The following ENOX2 variants were observed in gnomAD, a reference collection of about 807,000 sequenced individuals.
ENOX2 encodes the protein ecto-NOX disulfide-thiol exchanger 2.
In ENOX2, 36 loss-of-function variants were observed where a neutral mutation model predicts 45.0. The ratio of observed to expected loss-of-function variants is 0.80; its 90% CI spans 0.61 to 1.06. ENOX2 has a LOEUF of 1.06. Among genes scored for constraint, ENOX2 ranks in the 50% least tolerant of loss-of-function variants. ENOX2 has a pLI of 0.00. For missense variants in ENOX2, 423 were observed against 462.5 expected (o/e 0.91, Z 0.78); for synonymous variants, 174 against 152.3 (o/e 1.14, Z -1.05).
chrX:130,713,809 T>C (rs1452808822), intron 3 of ENOX2, among the ~76,000 whole-genome samples: 2 of 111,895 alleles, frequency 1.8e-5, no homozygotes, highest in African/African-American at 6.5e-5. Context: ...ATAATTCTTT[T>C]CCTGGTTTTG....
chrX:130,810,612 G>A (rs2077375927), intron 2 of ENOX2, among the ~76,000 whole-genome samples: 1 of 111,705 alleles, frequency 9.0e-6, no homozygotes, highest in Non-Finnish European at 1.9e-5. Context: ...CCAATGTCAG[G>A]TCAGCACCCT....
intron 4 of ENOX2, among the ~76,000 whole-genome samples, chrX:130,697,121 A>G (rs2037783357): frequency 8.9e-6 from 1 of 111,750 alleles, no homozygotes; most frequent in Admixed American, 9.5e-5. Flanking sequence ...CACTGTCTCC[A>G]TACTGTATAC....
Position 130,623,419 on chromosome X carries a change from G to A in ENOX2, c.*1895C>T, listed in dbSNP as rs949905949. On this transcript the variant is annotated 3_prime_UTR_variant, in exon 15 of 15. Transcript: ENST00000394363. Reference sequence around the variant, plus strand: ...CCGGGGTACATGTGCAGGATGTGCAGGTTTGTTACATAGGTGAACGTGTGC... The same window carrying A: ...CCGGGGTACATGTGCAGGATGTGCAAGTTTGTTACATAGGTGAACGTGTGC... 9.1e-6 allele frequency: 1 copy of A among 110,371 alleles called. No homozygotes were observed. The highest frequency in any genetic ancestry group is 3.9e-4 in the South Asian group (1 of 2,552). The allele number at this position is 110,371 out of a possible 1,213,427, so 9.1% of individuals were successfully genotyped here.
intron 3 of ENOX2, among the ~76,000 whole-genome samples, chrX:130,727,607 C>T (rs1484278151): frequency 1.8e-5 from 2 of 112,327 alleles, no homozygotes; most frequent in African/African-American, 3.2e-5. Flanking sequence ...AAATGTTTGT[C>T]CCCATCTCAA....
chrX:130,660,226 C>G (rs1334017078), intron 9 of ENOX2, among the ~76,000 whole-genome samples: 1 of 111,503 alleles, frequency 9.0e-6, no homozygotes, highest in East Asian at 2.8e-4. Context: ...TATAAATACC[C>G]AATACTATAT....
intron 3 of ENOX2, among the ~76,000 whole-genome samples, chrX:130,754,533 A>AT (rs985673253): frequency 8.9e-6 from 1 of 112,047 alleles, no homozygotes; most frequent in African/African-American, 3.2e-5. Context: ...TGGTACATAT[A>AT]CACTGTGGAA....
chrX:130,694,200 G>A (rs1463694182), intron 4 of ENOX2, among the ~76,000 whole-genome samples: 1 of 112,380 alleles, frequency 8.9e-6, no homozygotes, highest in African/African-American at 3.2e-5. Flanking sequence ...CAATAGATAA[G>A]GAGAATATCC....
intron 2 of ENOX2, among the ~76,000 whole-genome samples, chrX:130,888,096 C>G (rs2148584798): frequency 8.9e-6 from 1 of 111,887 alleles, no homozygotes; most frequent in African/African-American, 3.2e-5. Flanking sequence ...GCTTTCACAC[C>G]TATAATCAGT....
chrX:130,900,606 C>T (rs189916055), intron 2 of ENOX2, among the ~76,000 whole-genome samples: 3 of 112,405 alleles, frequency 2.7e-5, no homozygotes, highest in East Asian at 2.8e-4. Context: ...TACTCTTATA[C>T]AGCCACACAT....
intron 3 of ENOX2, among the ~76,000 whole-genome samples, chrX:130,731,725 T>C (rs1450903200): frequency 8.9e-6 from 1 of 112,123 alleles, no homozygotes; most frequent in Non-Finnish European, 1.9e-5. Context: ...ATAATTAATA[T>C]GACATTGAGA....
intron 3 of ENOX2, among the ~76,000 whole-genome samples, chrX:130,720,812 G>T (rs773764700): frequency 9.0e-6 from 1 of 111,522 alleles, no homozygotes; most frequent in South Asian, 3.8e-4. Flanking sequence ...ACTTGTGGTT[G>T]GGTGTAGACA....
At position 130,832,440 on chromosome X, in the gene ENOX2, T is replaced by C. The variant is rs6637774; in HGVS notation, c.-182-48750A>G. On this transcript the variant is annotated intron_variant, in intron 2 of 14. Transcript: ENST00000394363. ...CCTTACACACACACACACACACACATACACACACACACACACACACACACA... is the reference window on the plus strand; with the variant it reads ...CCTTACACACACACACACACACACACACACACACACACACACACACACACA... 2.9e-3 allele frequency among the ~76,000 whole-genome samples: 262 copies of C among 90,834 alleles called. 1 individual carries two copies. Among genetic ancestry groups the C allele is most frequent in the East Asian group, 3.8e-3 (11 of 2,921 alleles). The allele number at this position is 90,834 out of a possible 115,157, so 78.9% of individuals were successfully genotyped here. A position where few individuals can be genotyped will look rare whatever the true frequency, so the allele number is the denominator to read the frequency against.
intron 3 of ENOX2, among the ~76,000 whole-genome samples, chrX:130,728,706 C>T (rs2038664863): frequency 1.8e-5 from 2 of 111,463 alleles, no homozygotes; most frequent in Admixed American, 1.9e-4. Context: ...ATTCCTCTTC[C>T]TGCATCTCAA....
chrX:130,662,198 C>G (rs1206513825), intron 9 of ENOX2, among the ~76,000 whole-genome samples: 1 of 112,107 alleles, frequency 8.9e-6, no homozygotes, highest in Non-Finnish European at 1.9e-5. Context: ...ACCTCACACA[C>G]ATATAAATCA....
chrX:130,897,171 C>G (rs764144105), intron 2 of ENOX2, among the ~76,000 whole-genome samples: 1 of 112,013 alleles, frequency 8.9e-6, no homozygotes, highest in African/African-American at 3.2e-5. Context: ...ATACCCATCC[C>G]AAATGACACA....
intron 3 of ENOX2, among the ~76,000 whole-genome samples, chrX:130,762,973 A>G (rs780156320): frequency 9.0e-6 from 1 of 111,563 alleles, no homozygotes; most frequent in South Asian, 3.9e-4. Context: ...TTTCAGTTAT[A>G]TCGGTTTTTG....
intron 2 of ENOX2, among the ~76,000 whole-genome samples, chrX:130,865,040 ATTTTTT>A (rs59866457): frequency 6.3e-5 from 6 of 94,585 alleles, no homozygotes; most frequent in South Asian, 5.3e-4. Context: ...TTGGACACAG[ATTTTTT>A]TTTTTTTTTT....
At chrX:130,745,133 C>G (rs2039072076) in intron 3 of ENOX2, among the ~76,000 whole-genome samples, 1 of 111,276 alleles carries the variant, frequency 9.0e-6, no homozygotes. Flanking sequence ...AGAGTATTAC[C>G]ACATTTAATC....
intron 2 of ENOX2, among the ~76,000 whole-genome samples, chrX:130,864,776 G>A (rs979454772): frequency 1.8e-5 from 2 of 112,157 alleles, no homozygotes; most frequent in African/African-American, 3.2e-5. Flanking sequence ...CACTTTGGGA[G>A]GCCAAGGTGG....
Sources: gnomAD v4.1 joint callset for allele counts (sites outside exome capture counted in the v4.1 genomes callset) on GRCh38, gnomAD v4.1.1 for gene constraint, MANE v1.5 for transcripts, NCBI Gene and HGNC (gene_info 2026-07-23, HGNC 2026-07-21) for gene names.